Variants in GPC2 observed in about 807,000 individuals in gnomAD.
GPC2 encodes glypican-2.
GPC2 carries 42 observed loss-of-function variants against 57.3 expected under a neutral mutation model. The observed-to-expected ratio is 0.73, with a 90% CI of 0.57 to 0.95. The LOEUF (loss-of-function observed/expected upper bound fraction) is 0.95. Among genes scored for constraint, GPC2 ranks in the 40% least tolerant of loss-of-function variants. The pLI, the probability that GPC2 is intolerant of heterozygous loss-of-function variation, is 0.00. For missense variants in GPC2, 745 were observed against 793.6 expected (o/e 0.94, Z 0.74); for synonymous variants, 364 against 343.4 (o/e 1.06, Z -0.66).
chr7:100,171,630 G>C lies in GPC2; in HGVS notation c.1219C>G (p.Arg407Gly), dbSNP rs1229630921. The change falls in exon 8 of 10, where the codon CGG becomes GGG. Residue 407 changes from arginine to glycine, a missense_variant. By Grantham distance (125) the Arg-to-Gly change is moderately radical (BLOSUM62 -2). Transcript: ENST00000292377. This position sits in a 1 kb window ranked among gnomAD's most constrained non-coding sequence, Gnocchi z 4.8. Reference sequence around the variant, plus strand: ...TCTCCGCACACCGTCAGGGACAGCCGGGCCCAGAAGCCCCGCATCCGGGCC... The same window carrying C: ...TCTCCGCACACCGTCAGGGACAGCCCGGCCCAGAAGCCCCGCATCCGGGCC... Reference protein sequence around the residue: ...RLARMRGFWARLSLTVCGDSR... With the variant: ...RLARMRGFWAGLSLTVCGDSR... 1 of 1,531,042 alleles carries C rather than the reference G, an allele frequency of 6.5e-7. No individual in the cohort carries two copies. Among genetic ancestry groups the C allele is most frequent in the Non-Finnish European group, 8.7e-7 (1 of 1,151,564 alleles). The allele number at this position is 1,531,042 out of a possible 1,614,324, so 94.8% of individuals were successfully genotyped here.
intron 5 of GPC2, 199 bp downstream of exon 5, chr7:100,173,636 C>G: frequency 2.4e-6 from 1 of 421,996 alleles, no homozygotes; most frequent in Non-Finnish European, 4.2e-6. Context: ...TTCCTTCTTT[C>G]CTTCTTTCTT....
rs767680015 is a variant in GPC2 at position 100,175,639 on chromosome 7, C to T, written c.581G>A (p.Arg194His). 1.4e-5 allele frequency: 23 copies of T among 1,613,918 alleles called. No individual in the cohort carries two copies. The highest frequency in any genetic ancestry group is 1.9e-5 in the Non-Finnish European group (22 of 1,179,946). Residue 194 changes from arginine to histidine, a missense_variant, in exon 3 of 10, where the codon CGC becomes CAC. Arg to His is a conservative substitution (Grantham distance 29). This residue lies in a region of GPC2 where 607 missense variants were observed against 603.9 expected (regional missense o/e 1.01). Transcript: ENST00000292377. ...AGAGCCATCGGTAGATGAGGCCAAG[C>T]GTGAGAGGCAGAGCAGGTAGTCAGG... Reference protein sequence around the residue: ...FPPDYLLCLSRLASSTDGSLQ... With the variant: ...FPPDYLLCLSHLASSTDGSLQ...
rs1450851420 is a variant in GPC2 at position 100,169,644 on chromosome 7, C to T, written c.*586G>A. On this transcript the variant is annotated 3_prime_UTR_variant, in exon 10 of 10. Coordinates refer to ENST00000292377, the MANE Select transcript of GPC2 (RefSeq NM_152742.3). ...CATTTATTTGCAGAATAAACATGGA[C>T]TCAAACACTGAAACATGGAGTTTGT... The T allele has an allele frequency of 6.6e-6, 1 of 152,648 alleles. No homozygotes were observed. Among genetic ancestry groups the T allele is most frequent in the African/African-American group, 2.4e-5 (1 of 41,442 alleles). 9.5% of individuals were successfully genotyped at this position (152,648 alleles called of 1,614,324 possible).
At position 100,170,266 on chromosome 7, in the gene GPC2, G is replaced by A. The variant is rs745446629; in HGVS notation, c.1704C>T (p.Leu568=). 4.4e-6 allele frequency: 7 copies of A among 1,578,842 alleles called. No individual in the cohort carries two copies. The East Asian group carries it at 1.2e-4, about 27-fold the overall frequency. Residue 568 remains leucine, a synonymous_variant, in exon 10 of 10, where the codon CTC becomes CTT. Transcript: ENST00000292377. ...CAAGCAGGGCCAGGGCTGAGAGGGAGAGAATGAGGATGGTTTGGGTGTGAA... is the reference window on the plus strand; with the variant it reads ...CAAGCAGGGCCAGGGCTGAGAGGGAAAGAATGAGGATGGTTTGGGTGTGAA... ...IGFHTQTILI[L]SLSALALLGP...
At chr7:100,172,801 A>ATG (rs1420560042) in intron 5 of GPC2, among the ~76,000 whole-genome samples, 8 of 147,662 alleles carry the variant, frequency 5.4e-5, no homozygotes, top group Non-Finnish European at 1.0e-4. Flanking sequence ...ACGTATATAT[A>ATG]TGTGTGTATA....
At position 100,171,483 on chromosome 7, in the gene GPC2, G is replaced by A. The variant is rs1378377290; in HGVS notation, c.1311-47C>T. 7.4e-7 allele frequency: 1 copy of A among 1,348,332 alleles called. No individual in the cohort carries two copies. Among genetic ancestry groups the A allele is most frequent in the Non-Finnish European group, 9.5e-7 (1 of 1,056,234 alleles). 83.5% of individuals were successfully genotyped at this position (1,348,332 alleles called of 1,614,324 possible). The stretch of plus-strand genomic sequence containing the variant: ...AGCGCCAGCTAGCGCGCGCGGCCCC[G>A]CCCCTCCCGGCCGCGGTCCCGCCCC... On this transcript the variant is annotated intron_variant, in intron 8 of 9. Coordinates refer to ENST00000292377, the MANE Select transcript of GPC2 (RefSeq NM_152742.3). This position sits in a 1 kb window ranked among gnomAD's most constrained non-coding sequence, Gnocchi z 4.8.
chr7:100,171,754 C>G lies in GPC2; in HGVS notation c.1170+25G>C, dbSNP rs1414555130. ...ATCCCCGGCCCCGGGCCCCCCCGCC[C>G]CCAACTCTTGGTCATCCCACGCACC... On this transcript the variant is annotated intron_variant, in intron 7 of 9. Coordinates refer to ENST00000292377, the MANE Select transcript of GPC2 (RefSeq NM_152742.3). This position sits in a 1 kb window ranked among gnomAD's most constrained non-coding sequence, Gnocchi z 4.8. The G allele has an allele frequency of 2.0e-6, 3 of 1,512,960 alleles. No individual in the cohort carries two copies. Among genetic ancestry groups the G allele is most frequent in the Admixed American group, 2.1e-5 (1 of 47,800 alleles). 93.7% of individuals were successfully genotyped at this position (1,512,960 alleles called of 1,614,324 possible). A position where few individuals can be genotyped will look rare whatever the true frequency, so the allele number is the denominator to read the frequency against.
At chr7:100,174,081 C>T (rs1197865997) in intron 4 of GPC2, 84 bp from the exon 5 acceptor site, 2 of 1,257,676 alleles carry the variant, frequency 1.6e-6, no homozygotes, top group Non-Finnish European at 2.1e-6. Context: ...AGACAGAAAT[C>T]ACATACCCCA....
Position 100,172,071 on chromosome 7 carries a change from C to G in GPC2, c.1023+16G>C. ...CCCCGCCCCGGGCCTCACCTCCACC[C>G]TTCTCTCCCCTGTACCTGGGCGGAC... On this transcript the variant is annotated intron_variant, in intron 6 of 9. Transcript: ENST00000292377. 1 of 1,613,920 alleles carries G rather than the reference C, an allele frequency of 6.2e-7. No individual in the cohort carries two copies.
rs778414099 is a variant in GPC2, at chr7:100,173,902, G to A, written c.825C>T (p.Phe275=). 3.1e-6 allele frequency: 5 copies of A among 1,605,992 alleles called. No individual in the cohort carries two copies. The highest frequency in any genetic ancestry group is 4.6e-5 in the East Asian group (2 of 43,742). The stretch of plus-strand genomic sequence containing the variant: ...GACAGCCACGAACCACGTTGAGGCA[G>A]AAGCCCTGGCAGGGCATAAGTGAGG... ...GVPSLMPCQG[F]CLNVVRGCLS... is the part of the protein sequence containing the mutation. The change falls in exon 5 of 10, where the codon TTC becomes TTT. Residue 275 remains phenylalanine, a synonymous_variant. Coordinates refer to ENST00000292377, the MANE Select transcript of GPC2 (RefSeq NM_152742.3).
In GPC2 at chr7:100,171,849, C is replaced by T. The variant is rs1207911785; in HGVS notation, c.1100G>A (p.Gly367Asp). 6.5e-7 allele frequency: 1 copy of T among 1,550,126 alleles called. No homozygotes were observed. The highest frequency in any genetic ancestry group is 2.3e-5 in the East Asian group (1 of 42,584). Residue 367 changes from glycine to aspartate, a missense_variant, in exon 7 of 10, where the codon GGC (glycine) becomes GAC (aspartate). This residue lies in a region of GPC2 where 607 missense variants were observed against 603.9 expected (regional missense o/e 1.01). Coordinates refer to ENST00000292377, the MANE Select transcript of GPC2 (RefSeq NM_152742.3). This position sits in a 1 kb window ranked among gnomAD's most constrained non-coding sequence, Gnocchi z 4.8. Reference protein sequence around the residue: ...RRAPPPREEAGRLWSMVTEEE... With the variant: ...RRAPPPREEADRLWSMVTEEE... Reference sequence around the variant, plus strand: ...CTCGGTCACCATCGACCACAGCCGGCCCGCCTCTTCCCGGGGCGGCGGGGC... The same window carrying T: ...CTCGGTCACCATCGACCACAGCCGGTCCGCCTCTTCCCGGGGCGGCGGGGC...
chr7:100,171,382 C>A lies in GPC2; in HGVS notation c.1365G>T (p.Glu455Asp). 1 of 1,536,392 alleles carries A rather than the reference C, an allele frequency of 6.5e-7. No individual in the cohort carries two copies. The highest frequency in any genetic ancestry group is 1.2e-5 in the South Asian group (1 of 82,394). ...CGGGGCCCGAGGCGTCCACCTTGAG[C>A]TCGGGGTTGTTGACCTGCTCGGCCG... ...GSPAEQVNNP[E>D]LKVDASGPDV... The change falls in exon 9 of 10, where the codon GAG becomes GAT. Residue 455 changes from glutamate (E) to aspartate (D), a missense_variant. Physicochemically the swap from Glu to Asp is conservative, Grantham distance 45. Around this residue, in one of 2 missense-constraint regions of GPC2, gnomAD observed 607 missense variants for 603.9 expected, o/e 1.01. Transcript: ENST00000292377. This position sits in a 1 kb window ranked among gnomAD's most constrained non-coding sequence, Gnocchi z 4.8.
rs535396569 is a variant in GPC2 at position 100,170,186 on chromosome 7, G to A, written c.*44C>T. On this transcript the variant is annotated 3_prime_UTR_variant, in exon 10 of 10. Transcript: ENST00000292377. ...AGGCCCAGCTGAGGGGGGAGGAGGG[G>A]AAAGGGCCATGAACCCTTCTGATGC... 8.7e-6 allele frequency: 13 copies of A among 1,498,898 alleles called. No homozygotes were observed. The highest frequency in any genetic ancestry group is 8.3e-5 in the African/African-American group (6 of 72,078). The allele number at this position is 1,498,898 out of a possible 1,614,324, so 92.8% of individuals were successfully genotyped here.
intron 4 of GPC2, 75 bp downstream of exon 4, chr7:100,174,609 GT>G (rs1475718810): frequency 1.8e-6 from 2 of 1,109,884 alleles, no homozygotes; most frequent in Non-Finnish European, 2.7e-6. Context: ...GCTGGTGGCT[GT>G]TTCTTCCTTG....
In GPC2 at chr7:100,171,315, T is replaced by C. The variant is rs1250239937; in HGVS notation, c.1432A>G (p.Thr478Ala). The change falls in exon 9 of 10, where the codon ACG (threonine) becomes GCG (alanine). Residue 478 changes from threonine to alanine, a missense_variant. Coordinates refer to ENST00000292377, the MANE Select transcript of GPC2 (RefSeq NM_152742.3). This position sits in a 1 kb window ranked among gnomAD's most constrained non-coding sequence, Gnocchi z 4.8. ...AGTGCGGCCGTTTTCATTCTGGCCGTGGCCGCCCGGAGCTGTAGCCGACGC... is the reference window on the plus strand; with the variant it reads ...AGTGCGGCCGTTTTCATTCTGGCCGCGGCCGCCCGGAGCTGTAGCCGACGC... ...RRRRLQLRAATARMKTAALGH... is the reference protein window; with the variant it reads ...RRRRLQLRAAAARMKTAALGH... 6 of 1,543,606 alleles carry C rather than the reference T, an allele frequency of 3.9e-6. No homozygotes were observed. The highest frequency in any genetic ancestry group is 5.2e-6 in the Non-Finnish European group (6 of 1,143,906).
Position 100,172,202 on chromosome 7 carries a change from A to G in GPC2, c.908T>C (p.Leu303Pro), listed in dbSNP as rs773536892. The part of the protein sequence containing the change: ...WGNYLDGLLI[L>P]ADKLQGPFSF... ...AAAGGGGCCCTGGAGCTTATCAGCC[A>G]GGATCAGGAGACCATCTTAAGGGAG... The change falls in exon 6 of 10, where the codon CTG becomes CCG. Residue 303 changes from leucine (L) to proline (P), a missense_variant. Leu to Pro is a moderately conservative substitution (Grantham distance 98). This residue lies in a region of GPC2 where 607 missense variants were observed against 603.9 expected (regional missense o/e 1.01). Coordinates refer to ENST00000292377, the MANE Select transcript of GPC2 (RefSeq NM_152742.3). The G allele has an allele frequency of 6.2e-7, 1 of 1,614,014 alleles. No individual in the cohort carries two copies. The highest frequency in any genetic ancestry group is 8.5e-7 in the Non-Finnish European group (1 of 1,179,988).
intron 4 of GPC2, chr7:100,174,214 G>C: frequency 3.8e-6 from 2 of 527,900 alleles, no homozygotes; most frequent in South Asian, 5.3e-5. Flanking sequence ...GGCAGTTAGG[G>C]GTGGAGGGAA....
chr7:100,171,819 T>C lies in GPC2; in HGVS notation c.1130A>G (p.Glu377Gly). 1 of 1,573,464 alleles carries C rather than the reference T, an allele frequency of 6.4e-7. No individual in the cohort carries two copies. The highest frequency in any genetic ancestry group is 8.6e-7 in the Non-Finnish European group (1 of 1,168,516). Residue 377 changes from glutamate (E) to glycine (G), a missense_variant, in exon 7 of 10, where the codon GAG (glutamate) becomes GGG (glycine). Glu to Gly is a moderately conservative substitution (Grantham distance 98, BLOSUM62 -2). Coordinates refer to ENST00000292377, the MANE Select transcript of GPC2 (RefSeq NM_152742.3). The surrounding 1 kb of genome is among the most constrained non-coding windows in gnomAD (Gnocchi z 4.8). ...GGTGCCTGCGGCCGTCGTGGGCCGC[T>C]CCTCCTCGGTCACCATCGACCACAG... is the stretch of plus-strand genomic sequence containing the variant. ...GRLWSMVTEE[E>G]RPTTAAGTNL...
Position 100,169,677 on chromosome 7 carries a change from GT to G in GPC2, c.*552del, listed in dbSNP as rs1313673451. The G allele has an allele frequency of 6.5e-6, 1 of 152,676 alleles. No homozygotes were observed. Among genetic ancestry groups the G allele is most frequent in the African/African-American group, 2.4e-5 (1 of 41,448 alleles). The allele number at this position is 152,676 out of a possible 1,614,324, so 9.5% of individuals were successfully genotyped here. ...CTGAAACATGGAGTTTGTGAAGGAT[GT>G]GGGTGGCAGAGGTCACGAGATGAGC... is the stretch of plus-strand genomic sequence containing the variant. On this transcript the variant is annotated 3_prime_UTR_variant, in exon 10 of 10. Coordinates refer to ENST00000292377, the MANE Select transcript of GPC2 (RefSeq NM_152742.3).
Sources: gnomAD v4.1 joint callset for allele counts (sites outside exome capture counted in the v4.1 genomes callset) on GRCh38, gnomAD v4.1.1 for gene constraint, gnomAD v4.1.1 regional missense constraint, Gnocchi (gnomAD v3.1) non-coding constraint, MANE v1.5 for transcripts, NCBI Gene and HGNC (gene_info 2026-07-23, HGNC 2026-07-21) for gene names.